RP2: variants seen among roughly 807,000 people sequenced by gnomAD.
RP2 encodes the protein RP2 activator of ARL3 GTPase, also known as protein XRP2.
A neutral mutation model predicts 20.3 loss-of-function variants in RP2; 3 were observed. That is an observed-to-expected ratio of 0.15 (90% confidence interval 0.07 to 0.38). The LOEUF (loss-of-function observed/expected upper bound fraction) is 0.38, where lower values mean the gene tolerates loss of function less well. Among genes scored for constraint, RP2 ranks in the 10% least tolerant of loss-of-function variants. The probability of loss-of-function intolerance (pLI) is 1.00; values close to 1 mark genes in which losing one functional copy is unlikely to be tolerated. For missense variants in RP2, 233 were observed against 268.5 expected (o/e 0.87, Z 0.92); for synonymous variants, 75 against 94.8 (o/e 0.79, Z 1.22).
intron 2 of RP2, among the ~76,000 whole-genome samples, chrX:46,855,903 T>C (rs1924951951): frequency 1.8e-5 from 2 of 112,119 alleles, no homozygotes; most frequent in African/African-American, 6.5e-5. Context: ...AAAACCCATG[T>C]AGAAATGTCT....
rs1556313393 is a variant in RP2 at position 46,837,089 on chromosome X, C to T, written c.-12C>T. 8.6e-7 allele frequency: 1 copy of T among 1,166,610 alleles called. No individual in the cohort carries two copies. Among genetic ancestry groups the T allele is most frequent in the Admixed American group, 2.6e-5 (1 of 38,778 alleles). On this transcript the variant is annotated 5_prime_UTR_variant, in exon 1 of 5. Coordinates refer to ENST00000218340, the MANE Select transcript of RP2 (RefSeq NM_006915.3). Reference sequence around the variant, plus strand: ...CTAGTGAGCTGGCCAACGAGCTCCGCGGGCTGGGACCATGGGCTGCTTCTT... The same window carrying T: ...CTAGTGAGCTGGCCAACGAGCTCCGTGGGCTGGGACCATGGGCTGCTTCTT...
In RP2 at chrX:46,847,075, T is replaced by A. The variant is rs1924727823; in HGVS notation, c.103-6401T>A. 2.7e-5 allele frequency among the ~76,000 whole-genome samples: 3 copies of A among 110,931 alleles called. No homozygotes were observed. The South Asian group carries it at 1.1e-3, about 41-fold the overall frequency. ...AGCCATTCTAATAGGTGTGTAGTGA[T>A]GTTTCATTGTAGTTTAACTTGCATT... On this transcript the variant is annotated intron_variant, in intron 1 of 4. Transcript: ENST00000218340.
At chrX:46,852,247 G>T (rs1484182155) in intron 1 of RP2, among the ~76,000 whole-genome samples, 2 of 110,314 alleles carry the variant, frequency 1.8e-5, no homozygotes, top group African/African-American at 3.3e-5. Flanking sequence ...GGAAGGGAAG[G>T]AAGAGAGGAA....
chrX:46,846,164 A>G (rs782200904), intron 1 of RP2, among the ~76,000 whole-genome samples: 5 of 112,189 alleles, frequency 4.5e-5, no homozygotes, highest in South Asian at 7.3e-4. Context: ...GTTGTTTCCA[A>G]TTTTGGTAAT....
chrX:46,847,654 C>G (rs781892780), intron 1 of RP2, among the ~76,000 whole-genome samples: 8 of 100,284 alleles, frequency 8.0e-5, no homozygotes, highest in Non-Finnish European at 1.6e-4. Flanking sequence ...GCATATCTCT[C>G]TTTACATATA....
chrX:46,854,167 T>C (rs1344492042), intron 2 of RP2, 26 bp downstream of exon 2: 1 of 1,169,309 alleles, frequency 8.6e-7, no homozygotes, highest in Non-Finnish European at 1.2e-6. Flanking sequence ...AGAGAAATAG[T>C]CATACACCTA....
chrX:46,843,006 T>C (rs1602344196), intron 1 of RP2, among the ~76,000 whole-genome samples: 1 of 88,293 alleles, frequency 1.1e-5, no homozygotes, highest in East Asian at 3.2e-4. Flanking sequence ...TATGTTTAAC[T>C]TTTTTTTTTT....
rs782761993 is a variant in RP2, at chrX:46,845,189, G to T, written c.102+7987G>T. The stretch of plus-strand genomic sequence containing the variant: ...ACACAATTTAATAGCAAAGATAGTG[G>T]ATCTGTCTTCTGGGAGGTGTGTATA... On this transcript the variant is annotated intron_variant, in intron 1 of 4. Transcript: ENST00000218340. Among the ~76,000 whole-genome samples the T allele has an allele frequency of 2.7e-5, 3 of 111,549 alleles. No individual in the cohort carries two copies. The South Asian group carries it at 1.1e-3, about 42-fold the overall frequency.
chrX:46,839,713 A>G (rs1208812173), intron 1 of RP2, among the ~76,000 whole-genome samples: 1 of 112,014 alleles, frequency 8.9e-6, no homozygotes, highest in Non-Finnish European at 1.9e-5. Flanking sequence ...CTTAAAAGGA[A>G]CAGATTGCAA....
chrX:46,853,434 A>T, intron 1 of RP2, 42 bp from the exon 2 acceptor site: 2 of 1,146,809 alleles, frequency 1.7e-6, no homozygotes. Context: ...TACTTGTTGA[A>T]TAATGTTAAT....
Position 46,880,926 on chromosome X carries a change from T to C in RP2, c.*1157T>C, listed in dbSNP as rs967294017. ...AAGTAATTGGTTCAGGAGGTGTCAA[T>C]AGGTTGAACTTGTGAGAAGGCACTG... On this transcript the variant is annotated 3_prime_UTR_variant, in exon 5 of 5. Transcript: ENST00000218340. The C allele has an allele frequency of 9.0e-6, 1 of 111,507 alleles. No individual in the cohort carries two copies. The highest frequency in any genetic ancestry group is 1.9e-5 in the Non-Finnish European group (1 of 53,134). 9.2% of individuals were successfully genotyped at this position (111,507 alleles called of 1,213,427 possible).
In RP2 at chrX:46,880,163, T is replaced by A. The variant is rs1477034699; in HGVS notation, c.*394T>A. On this transcript the variant is annotated 3_prime_UTR_variant, in exon 5 of 5. Transcript: ENST00000218340. The stretch of plus-strand genomic sequence containing the variant: ...TTTTGAGACTCCATATCATTGCTTA[T>A]TTTACCTTTTTCAATTTAGAGGGAT... 8.7e-6 allele frequency: 1 copy of A among 114,608 alleles called. No homozygotes were observed. Among genetic ancestry groups the A allele is most frequent in the Non-Finnish European group, 1.8e-5 (1 of 54,909 alleles). 9.4% of individuals were successfully genotyped at this position (114,608 alleles called of 1,213,427 possible).
intron 3 of RP2, among the ~76,000 whole-genome samples, chrX:46,867,266 A>C (rs1020386662): frequency 9.0e-6 from 1 of 111,359 alleles, no homozygotes; most frequent in Non-Finnish European, 1.9e-5. Context: ...ACGCCCGACT[A>C]ATTTTTGTAT....
At chrX:46,879,007 T>G (rs1203298074) in intron 4 of RP2, among the ~76,000 whole-genome samples, 2 of 98,979 alleles carry the variant, frequency 2.0e-5, no homozygotes, top group Non-Finnish European at 4.0e-5. Context: ...GGAAGACTGC[T>G]TGAGCCCAGG....
At chrX:46,877,227 T>C (rs1925385219) in intron 3 of RP2, among the ~76,000 whole-genome samples, 1 of 112,418 alleles carries the variant, frequency 8.9e-6, no homozygotes, top group African/African-American at 3.2e-5. Context: ...TATAGAAGAA[T>C]GAGAACCAGA....
intron 3 of RP2, among the ~76,000 whole-genome samples, chrX:46,861,963 A>G (rs1384392019): frequency 8.9e-6 from 1 of 112,660 alleles, no homozygotes; most frequent in Admixed American, 9.4e-5. Context: ...TGTGAGCTAA[A>G]AAATGCAGAA....
chrX:46,881,463 ATATTATTAT>A lies in RP2; in HGVS notation c.*1711_*1719del, dbSNP rs782229405. The A allele has an allele frequency of 1.8e-5, 2 of 109,267 alleles. No individual in the cohort carries two copies. Among genetic ancestry groups the A allele is most frequent in the South Asian group, 3.9e-4 (1 of 2,578 alleles). 9.0% of individuals were successfully genotyped at this position (109,267 alleles called of 1,213,427 possible). On this transcript the variant is annotated 3_prime_UTR_variant, in exon 5 of 5. Coordinates refer to ENST00000218340, the MANE Select transcript of RP2 (RefSeq NM_006915.3). ...AAAGGGACTCCATCCTGTTATGATT[ATATTATTAT>A]TATTATTATTATTATTTTTGAGGTG...
chrX:46,841,464 C>T (rs1924622071), intron 1 of RP2, among the ~76,000 whole-genome samples: 2 of 112,275 alleles, frequency 1.8e-5, no homozygotes, highest in African/African-American at 6.5e-5. Context: ...ACCGTGACAG[C>T]TTTCAAGATG....
At chrX:46,859,488 CAA>C (rs782748761) in intron 2 of RP2, among the ~76,000 whole-genome samples, 17 of 66,891 alleles carry the variant, frequency 2.5e-4, no homozygotes, top group Admixed American at 3.7e-4. Context: ...CACCCTATCT[CAA>C]AAAAAAAAAA....
Sources: gnomAD v4.1 joint callset for allele counts (sites outside exome capture counted in the v4.1 genomes callset) on GRCh38, gnomAD v4.1.1 for gene constraint, MANE v1.5 for transcripts, NCBI Gene and HGNC (gene_info 2026-07-23, HGNC 2026-07-21) for gene names.